Variants in ROS1 observed in about 807,000 individuals in gnomAD.
ROS1 encodes the protein proto-oncogene tyrosine-protein kinase ROS.
Under a neutral mutation model 273.5 loss-of-function variants are expected in ROS1, and 263 were observed. The observed-to-expected ratio is 0.96, with a 90% CI of 0.87 to 1.06. The LOEUF (loss-of-function observed/expected upper bound fraction) is 1.06. ROS1 is among the 50% of genes least tolerant of loss of function. The pLI is 0.00. For missense variants in ROS1, 2,833 were observed against 2,751.1 expected (o/e 1.03, Z -0.67); for synonymous variants, 1,008 against 954.1 (o/e 1.06, Z -1.04).
intron 5 of ROS1, among the ~76,000 whole-genome samples, chr6:117,405,660 T>C (rs530222733): frequency 3.3e-5 from 5 of 150,954 alleles, no homozygotes; most frequent in African/African-American, 4.9e-5. Context: ...GCCATGGTGA[T>C]ACATATGAAA....
chr6:117,289,624 G>T (rs184162216), intron 43 of ROS1, among the ~76,000 whole-genome samples: 171 of 152,208 alleles, frequency 1.1e-3, no homozygotes, highest in African/African-American at 3.9e-3. Flanking sequence ...CCTCCGAACT[G>T]CTGAAGAACA....
In ROS1 at chr6:117,375,346, C is replaced by T. The variant is rs545703999; in HGVS notation, c.2582+3713G>A. ...ACTACACACTGGGTACAGTGTACACCACTCAGGTGATGGGTTTACCAAAAT... is the reference window on the plus strand; with the variant it reads ...ACTACACACTGGGTACAGTGTACACTACTCAGGTGATGGGTTTACCAAAAT... On this transcript the variant is annotated intron_variant, in intron 18 of 43. Transcript: ENST00000368507. Among the ~76,000 whole-genome samples the T allele has an allele frequency of 2.6e-5, 4 of 152,280 alleles. No homozygotes were observed. The South Asian group carries it at 8.3e-4, about 32-fold the overall frequency.
rs1306469579 is a variant in ROS1, at chr6:117,409,571, T to A, written c.316+11A>T. ...CAGCCTATTTTTTAAAAGTCGTGTG[T>A]GTCCTCTTACCCAGTACTTCCTCTT... is the stretch of plus-strand genomic sequence containing the variant. On this transcript the variant is annotated intron_variant, in intron 5 of 43. Coordinates refer to ENST00000368507, the MANE Select transcript of ROS1 (RefSeq NM_001378902.1). The A allele has an allele frequency of 6.2e-7, 1 of 1,609,380 alleles. No individual in the cohort carries two copies.
At chr6:117,424,376 C>T (rs1046985032) in intron 1 of ROS1, among the ~76,000 whole-genome samples, 1 of 151,430 alleles carries the variant, frequency 6.6e-6, no homozygotes, top group Non-Finnish European at 1.5e-5. Context: ...ATTACTAGGG[C>T]TAGAATTAGA....
intron 18 of ROS1, among the ~76,000 whole-genome samples, chr6:117,368,343 TATAA>T (rs763173767): frequency 2.0e-4 from 30 of 152,302 alleles, no homozygotes; most frequent in Non-Finnish European, 3.2e-4. Context: ...TTTAGAAAAA[TATAA>T]ATAAAGTTTT....
At chr6:117,397,450 G>T (rs961458940) in intron 7 of ROS1, among the ~76,000 whole-genome samples, 3 of 152,166 alleles carry the variant, frequency 2.0e-5, no homozygotes, top group African/African-American at 7.2e-5. Context: ...GATGGAACCA[G>T]TTTAGGAAGA....
chr6:117,347,920 C>T (rs1168101690), intron 27 of ROS1, among the ~76,000 whole-genome samples: 2 of 152,022 alleles, frequency 1.3e-5, no homozygotes, highest in Non-Finnish European at 2.9e-5. Context: ...ATAAATCCCA[C>T]TTGACTGTGA....
intron 18 of ROS1, among the ~76,000 whole-genome samples, chr6:117,366,644 G>A (rs936224415): frequency 1.3e-5 from 2 of 152,038 alleles, no homozygotes; most frequent in African/African-American, 4.8e-5. Context: ...CTCCCAAGTA[G>A]CTGGGATTAT....
intron 39 of ROS1, among the ~76,000 whole-genome samples, chr6:117,313,443 T>C (rs1775689964): frequency 6.6e-6 from 1 of 151,722 alleles, no homozygotes; most frequent in Non-Finnish European, 1.5e-5. Context: ...TATGGTGGCA[T>C]ATGTCTGTAG....
chr6:117,387,832 T>C lies in ROS1; in HGVS notation c.1947A>G (p.Pro649=). 1.9e-6 allele frequency: 3 copies of C among 1,614,148 alleles called. No homozygotes were observed. Among genetic ancestry groups the C allele is most frequent in the East Asian group, 2.2e-5 (1 of 44,876 alleles). ...KYKVSVRASS[P]KRPGPWSEPS... ...GCTCTGACCAGGGGCCTGGCCTCTT[T>C]GGAGAACTTGCTCTCACAGAAACCT... Residue 649 remains proline (P), a synonymous_variant, in exon 14 of 44, where the codon CCA becomes CCG. Coordinates refer to ENST00000368507, the MANE Select transcript of ROS1 (RefSeq NM_001378902.1).
In ROS1 at chr6:117,356,792, T is replaced by C. The variant is rs778024185; in HGVS notation, c.3963A>G (p.Gln1321=). 5.0e-6 allele frequency: 8 copies of C among 1,614,046 alleles called. No homozygotes were observed. The East Asian group carries it at 1.8e-4, about 36-fold the overall frequency. The change falls in exon 26 of 44, where the codon CAA becomes CAG. Residue 1321 remains glutamine, a synonymous_variant. Transcript: ENST00000368507. ...TATNQQNKRN[Q]CSCNVTEFEL... ...CAAATTCAGTCACATTACAAGAACA[T>C]TGATTCCTTTTGTTTTGTTGGTTTG... is the stretch of plus-strand genomic sequence containing the variant.
chr6:117,333,306 TCC>T (rs374300366), intron 32 of ROS1, among the ~76,000 whole-genome samples: 107 of 152,150 alleles, frequency 7.0e-4, no homozygotes, highest in African/African-American at 2.5e-3. Flanking sequence ...AGAAGTTGAA[TCC>T]CTGACTAGAC....
intron 43 of ROS1, among the ~76,000 whole-genome samples, chr6:117,291,343 T>C: frequency 6.6e-6 from 1 of 152,252 alleles, no homozygotes; most frequent in East Asian, 1.9e-4. Context: ...GGAATATTAC[T>C]TAGAATTTTA....
rs867263615 is a variant in ROS1, at chr6:117,362,679, A to C, written c.3290T>G (p.Ile1097Ser). 1 of 1,613,328 alleles carries C rather than the reference A, an allele frequency of 6.2e-7. No individual in the cohort carries two copies. The highest frequency in any genetic ancestry group is 8.5e-7 in the Non-Finnish European group (1 of 1,179,478). Residue 1097 changes from isoleucine to serine, a missense_variant, in exon 22 of 44, where the codon ATT (isoleucine) becomes AGT (serine). Transcript: ENST00000368507. ...CACTGAGGGAGTGACATTGACAGCAATCCAGTCTTCACATGTTTTGTTTGT... is the reference window on the plus strand; with the variant it reads ...CACTGAGGGAGTGACATTGACAGCACTCCAGTCTTCACATGTTTTGTTTGT... ...SITNKTCEDW[I>S]AVNVTPSVMS...
At chr6:117,299,133 A>G (rs1197406198) in intron 43 of ROS1, among the ~76,000 whole-genome samples, 1 of 152,200 alleles carries the variant, frequency 6.6e-6, no homozygotes, top group African/African-American at 2.4e-5. Context: ...ACTATTAACA[A>G]GGTTTACTCT....
intron 1 of ROS1, among the ~76,000 whole-genome samples, chr6:117,419,151 G>A (rs1297891840): frequency 1.3e-5 from 2 of 152,166 alleles, no homozygotes; most frequent in African/African-American, 2.4e-5. Flanking sequence ...GAAGAGAGCA[G>A]CATTCTATCA....
rs757214986 is a variant in ROS1 at position 117,425,589 on chromosome 6, G to GAAAT, written c.64_67dup (p.Ser23TyrfsTer11). The GAAAT allele has an allele frequency of 1.9e-6, 3 of 1,612,480 alleles. No individual in the cohort carries two copies. The South Asian group carries it at 3.3e-5, about 18-fold the overall frequency. ...ATTTAAAACTGTACACTGCACCACA[G>GAAAT]AAATCCATAGGCAGCCAAGAGTTGC... On this transcript the variant is annotated frameshift_variant, in exon 1 of 44. Coordinates refer to ENST00000368507, the MANE Select transcript of ROS1 (RefSeq NM_001378902.1). LOFTEE classifies it high-confidence loss of function.
Position 117,371,566 on chromosome 6 carries a change from C to T in ROS1, c.2583-5276G>A, listed in dbSNP as rs1015622433. 5.3e-5 allele frequency among the ~76,000 whole-genome samples: 8 copies of T among 152,150 alleles called. No individual in the cohort carries two copies. The East Asian group carries it at 1.2e-3, about 22-fold the overall frequency. On this transcript the variant is annotated intron_variant, in intron 18 of 43. Transcript: ENST00000368507. ...AAAAATTTAAACCGAATACAGTTTC[C>T]TGGACAGAACCTGGGAAAGGGGGCA...
chr6:117,318,282 A>C (rs1776059257), intron 37 of ROS1, 30 bp from the exon 38 acceptor site: 1 of 1,542,420 alleles, frequency 6.5e-7, no homozygotes, highest in African/African-American at 1.4e-5. Context: ...GTCAGGAATC[A>C]GTATAGCAGA....
Sources: allele counts gnomAD v4.1 joint callset (sites outside exome capture counted in the v4.1 genomes callset), GRCh38; gene constraint gnomAD v4.1.1; transcripts MANE v1.5; gene names NCBI Gene and HGNC (gene_info 2026-07-23, HGNC 2026-07-21).